RANBP3L: variants seen among roughly 807,000 people sequenced by gnomAD.
The protein encoded by RANBP3L is ran-binding protein 3-like.
RANBP3L carries 56 observed loss-of-function variants against 67.2 expected under a neutral mutation model. That is an observed-to-expected ratio of 0.83 (90% CI 0.67 to 1.04). The LOEUF (loss-of-function observed/expected upper bound fraction) is 1.04, where lower values mean the gene tolerates loss of function less well. Among genes scored for constraint, RANBP3L ranks in the 50% least tolerant of loss-of-function variants. The pLI is 0.00. For missense variants in RANBP3L, 496 were observed against 535.5 expected (o/e 0.93, Z 0.73); for synonymous variants, 164 against 181.4 (o/e 0.90, Z 0.77).
intron 13 of RANBP3L, among the ~76,000 whole-genome samples, chr5:36,250,977 T>C (rs1049047073): frequency 1.3e-5 from 2 of 152,140 alleles, no homozygotes; most frequent in African/African-American, 4.8e-5. Context: ...TATATGTATT[T>C]ATAATTCTTC....
chr5:36,299,458 G>A (rs1167417518), intron 1 of RANBP3L, among the ~76,000 whole-genome samples: 1 of 151,818 alleles, frequency 6.6e-6, no homozygotes, highest in Non-Finnish European at 1.5e-5. Context: ...TAAAACAATA[G>A]TGGGGTATTA....
intron 1 of RANBP3L, among the ~76,000 whole-genome samples, chr5:36,284,689 T>C (rs1751203465): frequency 6.6e-6 from 1 of 152,178 alleles, no homozygotes. Flanking sequence ...GTGTGGGACA[T>C]AGGGGCTAGG....
At chr5:36,301,149 T>C (rs181044897) in intron 1 of RANBP3L, among the ~76,000 whole-genome samples, 177 bp downstream of exon 1, 1 of 152,340 alleles carries the variant, frequency 6.6e-6, no homozygotes, top group Admixed American at 6.5e-5. Context: ...GGAATATGCA[T>C]TCTTGACAGT....
rs1419375322 is a variant in RANBP3L at position 36,251,380 on chromosome 5, T to C, written c.1287A>G (p.Gln429=). 3 of 1,613,380 alleles carry C rather than the reference T, an allele frequency of 1.9e-6. No homozygotes were observed. The African/African-American group carries it at 4.0e-5, about 22-fold the overall frequency. ...CATCACAGCTTTCGCAGTTCAATTG[T>C]TGGGCTGTTTCTGACAGGCTTTCAG... ...NQAESLSETA[Q]QLNCESCDEN... Residue 429 remains glutamine (Q), a synonymous_variant, in exon 13 of 14, where the codon CAA becomes CAG. Coordinates refer to ENST00000296604, the MANE Select transcript of RANBP3L (RefSeq NM_145000.5).
chr5:36,250,557 G>A (rs78748907), intron 13 of RANBP3L, among the ~76,000 whole-genome samples: 2,469 of 152,068 alleles, frequency 0.016, 72 homozygotes, highest in African/African-American at 0.056. Flanking sequence ...CCACACTATC[G>A]TTGTAATTGT....
chr5:36,295,966 T>A (rs1374803787), intron 1 of RANBP3L, among the ~76,000 whole-genome samples: 1 of 152,122 alleles, frequency 6.6e-6, no homozygotes, highest in Non-Finnish European at 1.5e-5. Flanking sequence ...AATTATTTAA[T>A]CAATCATGCC....
chr5:36,267,125 G>A (rs1195657789), intron 4 of RANBP3L, among the ~76,000 whole-genome samples: 1 of 152,142 alleles, frequency 6.6e-6, no homozygotes, highest in African/African-American at 2.4e-5. Flanking sequence ...ACTAAAAGGT[G>A]TCTCTTCTGC....
At chr5:36,274,312 A>C (rs16902910) in intron 1 of RANBP3L, among the ~76,000 whole-genome samples, 12,095 of 152,152 alleles carry the variant, frequency 0.079, 1,662 homozygotes, top group African/African-American at 0.28. Flanking sequence ...TTGAAGTTCA[A>C]CTGGGGTAAG....
intron 1 of RANBP3L, among the ~76,000 whole-genome samples, chr5:36,287,084 C>T (rs530803730): frequency 1.3e-5 from 2 of 152,262 alleles, no homozygotes; most frequent in African/African-American, 4.8e-5. Flanking sequence ...GAAACTGCCC[C>T]GCCTCAGATC....
chr5:36,299,845 AT>A (rs1021636602), intron 1 of RANBP3L, among the ~76,000 whole-genome samples: 17 of 152,362 alleles, frequency 1.1e-4, no homozygotes, highest in Admixed American at 1.0e-3. Flanking sequence ...ATCCTCTGTC[AT>A]TAAATTAAAA....
At chr5:36,260,743 C>G (rs1208444225) in intron 8 of RANBP3L, 37 bp downstream of exon 8, 1 of 854,426 alleles carries the variant, frequency 1.2e-6, no homozygotes, top group East Asian at 2.5e-5. Context: ...AGTGACAGCT[C>G]TGTATATAGT....
At position 36,301,595 on chromosome 5, in the gene RANBP3L, G is replaced by T; in HGVS notation, c.-179C>A. On this transcript the variant is annotated 5_prime_UTR_variant, in exon 1 of 14. Coordinates refer to ENST00000296604, the MANE Select transcript of RANBP3L (RefSeq NM_145000.5). Reference sequence around the variant, plus strand: ...CAAGCTTTTTCCAGTCATGATTCTTGAAATAAATAATCACCAATGTTACTT... The same window carrying T: ...CAAGCTTTTTCCAGTCATGATTCTTTAAATAAATAATCACCAATGTTACTT... 2.0e-6 allele frequency: 1 copy of T among 497,180 alleles called. No individual in the cohort carries two copies. The allele number at this position is 497,180 out of a possible 1,614,324, so 30.8% of individuals were successfully genotyped here.
intron 1 of RANBP3L, among the ~76,000 whole-genome samples, chr5:36,277,454 G>A (rs868821344): frequency 0.023 from 3,385 of 144,066 alleles, 137 homozygotes; most frequent in African/African-American, 0.078. Flanking sequence ...GTGTGTGTGT[G>A]TGTGTGTGTG....
intron 6 of RANBP3L, among the ~76,000 whole-genome samples, chr5:36,263,864 A>G (rs1749565447): frequency 1.3e-5 from 2 of 152,254 alleles, no homozygotes; most frequent in Non-Finnish European, 2.9e-5. Flanking sequence ...ATTATGTAAC[A>G]TGGTGATAAT....
chr5:36,290,861 A>G lies in RANBP3L; in HGVS notation c.91+10465T>C, dbSNP rs1371052424. ...ATTCTCCTGCCTCAGCCTCCTGAGT[A>G]GCTGGGACTACAGGCACATGCCACC... On this transcript the variant is annotated intron_variant, in intron 1 of 13. Transcript: ENST00000296604. Among the ~76,000 whole-genome samples the G allele has an allele frequency of 4.8e-5, 7 of 147,132 alleles. No homozygotes were observed. The East Asian group carries it at 1.4e-3, about 30-fold the overall frequency.
rs1264572871 is a variant in RANBP3L, at chr5:36,301,472, C to T, written c.-56G>A. On this transcript the variant is annotated 5_prime_UTR_variant, in exon 1 of 14. The change creates a premature stop within an existing upstream ORF in the 5' untranslated region. Coordinates refer to ENST00000296604, the MANE Select transcript of RANBP3L (RefSeq NM_145000.5). Reference sequence around the variant, plus strand: ...TCACTAGGGCACCTCCTTCTCTGGCCAGTCACCTAAAGTGGCCTTCACCAG... The same window carrying T: ...TCACTAGGGCACCTCCTTCTCTGGCTAGTCACCTAAAGTGGCCTTCACCAG... 22 of 1,393,224 alleles carry T rather than the reference C, an allele frequency of 1.6e-5. No individual in the cohort carries two copies. Among genetic ancestry groups the T allele is most frequent in the Non-Finnish European group, 2.2e-5 (22 of 986,152 alleles). 86.3% of individuals were successfully genotyped at this position (1,393,224 alleles called of 1,614,324 possible).
At chr5:36,297,018 T>TTC (rs1752264385) in intron 1 of RANBP3L, among the ~76,000 whole-genome samples, 1 of 152,020 alleles carries the variant, frequency 6.6e-6, no homozygotes, top group African/African-American at 2.4e-5. Flanking sequence ...ACCCTCTCTC[T>TTC]TCTCTCTCTC....
At position 36,277,420 on chromosome 5, in the gene RANBP3L, C is replaced by CTA. The variant is rs1264276542; in HGVS notation, c.92-6110_92-6109insTA. ...TTCATCTCTCTCTCTCTCTCTCTCTCTCTATATATATATATATATATGTGT... is the reference window on the plus strand; with the variant it reads ...TTCATCTCTCTCTCTCTCTCTCTCTCTATCTATATATATATATATATATGTGT... On this transcript the variant is annotated intron_variant, in intron 1 of 13. Coordinates refer to ENST00000296604, the MANE Select transcript of RANBP3L (RefSeq NM_145000.5). 4.1e-3 allele frequency among the ~76,000 whole-genome samples: 328 copies of CTA among 80,260 alleles called. 2 individuals carry two copies. Among genetic ancestry groups the CTA allele is most frequent in the Middle Eastern group, 5.7e-3 (1 of 176 alleles). 52.7% of individuals were successfully genotyped at this position (80,260 alleles called of 152,430 possible).
intron 1 of RANBP3L, among the ~76,000 whole-genome samples, chr5:36,279,130 G>A (rs1387545840): frequency 1.3e-5 from 2 of 152,124 alleles, no homozygotes; most frequent in African/African-American, 2.4e-5. Flanking sequence ...GCCCAAGGAA[G>A]AGGAGATACA....
Sources: allele counts gnomAD v4.1 joint callset (sites outside exome capture counted in the v4.1 genomes callset), GRCh38; gene constraint gnomAD v4.1.1; transcripts MANE v1.5; gene names NCBI Gene and HGNC (gene_info 2026-07-23, HGNC 2026-07-21).